The following DTNA variants were observed in gnomAD, a reference collection of about 807,000 sequenced individuals.
DTNA encodes the protein dystrobrevin alpha.
A neutral mutation model predicts 100.7 loss-of-function variants in DTNA; 43 were observed. That is an observed-to-expected ratio of 0.43 (90% CI 0.33 to 0.55). The LOEUF (loss-of-function observed/expected upper bound fraction) is 0.55, where lower values mean the gene tolerates loss of function less well. Among genes scored for constraint, DTNA ranks in the 20% least tolerant of loss-of-function variants. The pLI is 0.04. For synonymous variants in DTNA, 349 were observed against 347.9 expected, an observed-to-expected ratio of 1.00 and a Z score of -0.04; for missense variants, 798 against 953.9, an observed-to-expected ratio of 0.84 and a Z score of 2.15.
At chr18:34,857,712 GA>G (rs917107370) in intron 15 of DTNA, among the ~76,000 whole-genome samples, 12 of 147,214 alleles carry the variant, frequency 8.2e-5, no homozygotes, top group East Asian at 7.9e-4. Flanking sequence ...AGAGATTTAA[GA>G]AAAAAAAAAG....
At chr18:34,839,299 T>A (rs549587373) in intron 13 of DTNA, among the ~76,000 whole-genome samples, 1 of 152,352 alleles carries the variant, frequency 6.6e-6, no homozygotes, top group East Asian at 1.9e-4. Context: ...ATCATTTCTT[T>A]AACAATGATA....
intron 1 of DTNA, among the ~76,000 whole-genome samples, chr18:34,749,679 C>A (rs1480440): frequency 0.075 from 1,609 of 21,552 alleles, 33 homozygotes; most frequent in African/African-American, 0.16. Context: ...ATAATAATAA[C>A]AAATAAGATA....
chr18:34,498,800 T>C (rs2039571266), intron 1 of DTNA, among the ~76,000 whole-genome samples: 2 of 152,220 alleles, frequency 1.3e-5, no homozygotes, highest in Non-Finnish European at 2.9e-5. Context: ...ATTTCTGCTA[T>C]CACACATTGC....
At chr18:34,673,046 T>A (rs940867557) in intron 1 of DTNA, among the ~76,000 whole-genome samples, 3 of 152,162 alleles carry the variant, frequency 2.0e-5, no homozygotes, top group African/African-American at 7.2e-5. Context: ...TAAAACTTGA[T>A]TTTTAATAAG....
At chr18:34,610,929 G>A (rs1236200039) in intron 1 of DTNA, among the ~76,000 whole-genome samples, 2 of 152,164 alleles carry the variant, frequency 1.3e-5, no homozygotes, top group African/African-American at 4.8e-5. Flanking sequence ...CATAGGGAAA[G>A]GCTGATGTCA....
chr18:34,517,486 T>TGTGTGTGTGTGG (rs1456110885), intron 1 of DTNA, among the ~76,000 whole-genome samples: 22 of 151,970 alleles, frequency 1.4e-4, no homozygotes, highest in Non-Finnish European at 2.6e-4. Context: ...TGTGTGTGTG[T>TGTGTGTGTGTGG]GTATTTAGGT....
At chr18:34,761,187 G>A (rs539951650) in intron 2 of DTNA, among the ~76,000 whole-genome samples, 10 of 151,394 alleles carry the variant, frequency 6.6e-5, no homozygotes, top group South Asian at 2.1e-4. Context: ...ATGATAAAGC[G>A]TGGCAGAGTT....
chr18:34,719,343 C>CAAAAAATA (rs60541666), intron 1 of DTNA, among the ~76,000 whole-genome samples: 13,846 of 150,778 alleles, frequency 0.092, 679 homozygotes, highest in South Asian at 0.1. Flanking sequence ...GACTTCATCT[C>CAAAAAATA]AAAAAATAAA....
intron 1 of DTNA, among the ~76,000 whole-genome samples, chr18:34,520,017 T>A (rs1282642901): frequency 1.3e-5 from 2 of 152,208 alleles, no homozygotes; most frequent in African/African-American, 2.4e-5. Flanking sequence ...TAGAAGAAGC[T>A]GATGTCTTAA....
intron 22 of DTNA, among the ~76,000 whole-genome samples, chr18:34,886,578 C>T (rs1263619910): frequency 4.6e-5 from 7 of 152,274 alleles, no homozygotes; most frequent in Middle Eastern, 6.8e-3. Flanking sequence ...AATGTGCTTG[C>T]GTTAAACCCA....
intron 11 of DTNA, among the ~76,000 whole-genome samples, chr18:34,836,729 G>A (rs72952327): frequency 0.025 from 3,802 of 151,232 alleles, 58 homozygotes; most frequent in Non-Finnish European, 0.038. Context: ...TATAACAGAT[G>A]CCTTTCTGAA....
rs150948007 is a variant in DTNA, at chr18:34,640,371, A to G, written c.-1-115605A>G. On this transcript the variant is annotated intron_variant, in intron 1 of 19. Coordinates refer to the DTNA transcript ENST00000283365. ...ATTCTCCCTCATTGGTCTGTAGACA[A>G]TTGTCCTTCTGGCTTTACTCTGTAT... is the stretch of plus-strand genomic sequence containing the variant. Among the ~76,000 whole-genome samples the G allele has an allele frequency of 4.0e-3, 604 of 152,288 alleles. 2 individuals carry two copies. The highest frequency in any genetic ancestry group is 0.014 in the African/African-American group (587 of 41,560).
In DTNA at chr18:34,852,282, A is replaced by T. The variant is rs2096491080; in HGVS notation, c.1532+354A>T. ...TAGGTAGAAGGTGTCTCTACCACCCAGAAACAGGTAGGAGGCTCACCAGAG... is the reference window on the plus strand; with the variant it reads ...TAGGTAGAAGGTGTCTCTACCACCCTGAAACAGGTAGGAGGCTCACCAGAG... On this transcript the variant is annotated intron_variant, in intron 15 of 22. Coordinates refer to ENST00000444659, the MANE Select transcript of DTNA (RefSeq NM_001386795.1). Among the ~76,000 whole-genome samples, 5 of 152,088 alleles carry T rather than the reference A, an allele frequency of 3.3e-5. No homozygotes were observed. The South Asian group carries it at 1.0e-3, about 32-fold the overall frequency.
chr18:34,545,547 A>T (rs1381510606), intron 1 of DTNA, among the ~76,000 whole-genome samples: 1 of 152,100 alleles, frequency 6.6e-6, no homozygotes, highest in Non-Finnish European at 1.5e-5. Flanking sequence ...TAAAAAATAG[A>T]TCTAGCAATT....
In DTNA at chr18:34,602,747, C is replaced by T. The variant is rs565421482; in HGVS notation, c.-2+109233C>T. ...AAAAAAGAGGCCCGGCGTGGTGGCT[C>T]ATACCTGTAATCCCAGCACTTTGGG... is the stretch of plus-strand genomic sequence containing the variant. On this transcript the variant is annotated intron_variant, in intron 1 of 19. Coordinates refer to the DTNA transcript ENST00000283365. Among the ~76,000 whole-genome samples, 5 of 151,830 alleles carry T rather than the reference C, an allele frequency of 3.3e-5. No homozygotes were observed. In the South Asian group the frequency reaches 8.3e-4, roughly 25 times the overall value.
intron 1 of DTNA, among the ~76,000 whole-genome samples, chr18:34,613,262 C>G (rs989811875): frequency 7.2e-5 from 11 of 152,198 alleles, no homozygotes; most frequent in Non-Finnish European, 1.0e-4. Flanking sequence ...CCAGCCATTC[C>G]TCCATTTCTC....
intron 1 of DTNA, among the ~76,000 whole-genome samples, chr18:34,602,404 A>G (rs1409872279): frequency 6.6e-6 from 1 of 152,024 alleles, no homozygotes; most frequent in Admixed American, 6.5e-5. Flanking sequence ...TTAGGTAAAC[A>G]TTTGCATTAA....
chr18:34,582,101 C>G (rs912465993), intron 1 of DTNA, among the ~76,000 whole-genome samples: 2 of 152,004 alleles, frequency 1.3e-5, no homozygotes, highest in Non-Finnish European at 2.9e-5. Flanking sequence ...TTGAAATTCT[C>G]CTAAATGTGG....
At chr18:34,591,575 G>T (rs2049729868) in intron 1 of DTNA, among the ~76,000 whole-genome samples, 1 of 152,124 alleles carries the variant, frequency 6.6e-6, no homozygotes, top group South Asian at 2.1e-4. Flanking sequence ...ATTAGCCTTG[G>T]GAAGGCGTGT....
Sources: gnomAD v4.1 joint callset for allele counts (sites outside exome capture counted in the v4.1 genomes callset) on GRCh38, gnomAD v4.1.1 for gene constraint, MANE v1.5 for transcripts, NCBI Gene and HGNC (gene_info 2026-07-23, HGNC 2026-07-21) for gene names.